Variants in FOXP1 observed in about 807,000 individuals in gnomAD.
FOXP1 encodes forkhead box P1, also known as forkhead box protein P1.
Under a neutral mutation model 98.2 loss-of-function variants are expected in FOXP1, and 15 were observed. The ratio of observed to expected loss-of-function variants is 0.15; its 90% CI spans 0.10 to 0.24. FOXP1 has a LOEUF of 0.24. Ranked by LOEUF, FOXP1 falls within the 10% of genes least tolerant of loss-of-function variation. FOXP1 has a pLI of 1.00. For missense variants in FOXP1, 633 were observed against 848.5 expected (o/e 0.75, Z 3.15); for synonymous variants, 371 against 314.5 (o/e 1.18, Z -1.90).
intron 4 of FOXP1, among the ~76,000 whole-genome samples, chr3:71,304,099 T>C (rs1252437339): frequency 2.0e-5 from 3 of 152,210 alleles, no homozygotes; most frequent in African/African-American, 2.4e-5. Context: ...CATCAGATCA[T>C]AGTACCTAAC....
At chr3:70,983,024 T>C (rs1212739716) in intron 14 of FOXP1, among the ~76,000 whole-genome samples, 1 of 152,206 alleles carries the variant, frequency 6.6e-6, no homozygotes, top group Non-Finnish European at 1.5e-5. Flanking sequence ...TTTAACTGCA[T>C]GGCAGTGTCA....
intron 2 of FOXP1, among the ~76,000 whole-genome samples, chr3:71,494,443 C>T (rs759776117): frequency 6.6e-6 from 1 of 152,210 alleles, no homozygotes; most frequent in Non-Finnish European, 1.5e-5. Flanking sequence ...GCCATCAACA[C>T]TGAAGATGTG....
In FOXP1 at chr3:70,977,982, A is replaced by C. The variant is rs745561596; in HGVS notation, c.1194T>G (p.Ala398=). The part of the protein sequence containing the change: ...SVTLSKSASE[A]SPQSLPHTPT... Reference sequence around the variant, plus strand: ...GAGTATGAGGTAAGCTCTGTGGAGAAGCCTCCGATGCGGACTTGGAGAGAG... The same window carrying C: ...GAGTATGAGGTAAGCTCTGTGGAGACGCCTCCGATGCGGACTTGGAGAGAG... The change falls in exon 15 of 21, where the codon GCT becomes GCG. Residue 398 remains alanine, a synonymous_variant. Coordinates refer to ENST00000649528, the MANE Select transcript of FOXP1 (RefSeq NM_001349338.3). The C allele has an allele frequency of 3.1e-6, 5 of 1,614,066 alleles. No homozygotes were observed. The Admixed American group carries it at 8.3e-5, about 27-fold the overall frequency.
chr3:71,159,281 G>A (rs1408411379), intron 6 of FOXP1, among the ~76,000 whole-genome samples: 1 of 152,088 alleles, frequency 6.6e-6, no homozygotes, highest in Non-Finnish European at 1.5e-5. Flanking sequence ...AAATGATTAA[G>A]AGGATGGAAA....
intron 5 of FOXP1, among the ~76,000 whole-genome samples, chr3:71,230,264 A>G (rs1161982236): frequency 2.0e-5 from 3 of 152,234 alleles, no homozygotes; most frequent in Non-Finnish European, 4.4e-5. Flanking sequence ...CTTTCTTTAA[A>G]AACTGCTGTT....
chr3:71,198,432 G>GGGGCC, intron 5 of FOXP1, 40 bp from the exon 6 acceptor site: 2 of 491,030 alleles, frequency 4.1e-6, no homozygotes, highest in Non-Finnish European at 8.0e-6. Flanking sequence ...GGGAGGGGGG[G>GGGGCC]AGAAAAAAAA....
intron 2 of FOXP1, among the ~76,000 whole-genome samples, chr3:71,518,762 G>A (rs1560596773): frequency 6.6e-6 from 1 of 152,180 alleles, no homozygotes; most frequent in Non-Finnish European, 1.5e-5. Context: ...ATGTTTATTT[G>A]TTACAGCAGC....
chr3:71,044,310 T>C (rs2048736320), intron 10 of FOXP1, among the ~76,000 whole-genome samples: 1 of 152,208 alleles, frequency 6.6e-6, no homozygotes, highest in Non-Finnish European at 1.5e-5. Context: ...TGTAATTTTC[T>C]GCTACCTAGA....
chr3:71,166,979 C>G (rs536809751), intron 6 of FOXP1, among the ~76,000 whole-genome samples: 4 of 151,894 alleles, frequency 2.6e-5, no homozygotes, highest in African/African-American at 9.7e-5. Context: ...TTTACTGATC[C>G]GGTTATCTTG....
At chr3:71,240,837 G>A (rs186148667) in intron 5 of FOXP1, among the ~76,000 whole-genome samples, 98 of 151,852 alleles carry the variant, frequency 6.5e-4, no homozygotes, top group African/African-American at 2.1e-3. Flanking sequence ...GAGCCACAGC[G>A]CCTGGCCAGA....
chr3:70,985,112 T>A (rs1443099375), intron 14 of FOXP1, among the ~76,000 whole-genome samples: 1 of 152,056 alleles, frequency 6.6e-6, no homozygotes, highest in Non-Finnish European at 1.5e-5. Flanking sequence ...TACACAGAAA[T>A]GGAAAAAAGA....
At chr3:71,177,907 T>C (rs1375187085) in intron 6 of FOXP1, among the ~76,000 whole-genome samples, 2 of 147,040 alleles carry the variant, frequency 1.4e-5, no homozygotes, top group African/African-American at 2.5e-5. Flanking sequence ...AGTGGTGCGA[T>C]CATGGTTCAC....
chr3:71,411,082 C>A (rs1280836823), intron 3 of FOXP1, among the ~76,000 whole-genome samples: 1 of 152,188 alleles, frequency 6.6e-6, no homozygotes, highest in Non-Finnish European at 1.5e-5. Context: ...CTACAGAGCA[C>A]AACAGGATAT....
intron 2 of FOXP1, among the ~76,000 whole-genome samples, chr3:71,498,875 C>T (rs1031034133): frequency 6.6e-6 from 1 of 152,178 alleles, no homozygotes; most frequent in South Asian, 2.1e-4. Context: ...GCTACTGATC[C>T]GGGCACCATC....
intron 2 of FOXP1, among the ~76,000 whole-genome samples, chr3:71,511,410 A>T (rs2042195168): frequency 6.6e-6 from 1 of 151,962 alleles, no homozygotes; most frequent in Non-Finnish European, 1.5e-5. Context: ...AATTTCCTCC[A>T]TTGGGGCATT....
At chr3:71,105,349 A>T (rs1033585773) in intron 7 of FOXP1, among the ~76,000 whole-genome samples, 1 of 152,144 alleles carries the variant, frequency 6.6e-6, no homozygotes, top group Non-Finnish European at 1.5e-5. Context: ...TCCAATTTGA[A>T]GTGATGACAA....
chr3:71,445,394 C>T (rs1409906724), intron 3 of FOXP1, among the ~76,000 whole-genome samples: 1 of 152,094 alleles, frequency 6.6e-6, no homozygotes, highest in Admixed American at 6.5e-5. Flanking sequence ...ATGCTGAAGT[C>T]CACATTTTAA....
chr3:71,079,501 CAG>C (rs1364185744), intron 7 of FOXP1, among the ~76,000 whole-genome samples: 1 of 152,202 alleles, frequency 6.6e-6, no homozygotes, highest in Admixed American at 6.5e-5. Context: ...TCCCTCGACA[CAG>C]ACAATTTCTA....
At chr3:71,485,308 T>C (rs568517741) in intron 3 of FOXP1, among the ~76,000 whole-genome samples, 5 of 152,332 alleles carry the variant, frequency 3.3e-5, no homozygotes, top group African/African-American at 4.8e-5. Flanking sequence ...GAGAAAATAG[T>C]AAACCCCCTT....
Sources: allele counts gnomAD v4.1 joint callset (sites outside exome capture counted in the v4.1 genomes callset), GRCh38; gene constraint gnomAD v4.1.1; transcripts MANE v1.5; gene names NCBI Gene and HGNC (gene_info 2026-07-23, HGNC 2026-07-21).